LPAR1: variants seen among roughly 807,000 people sequenced by gnomAD.
LPAR1 encodes the protein lysophosphatidic acid receptor 1, also known as LPA receptor 1.
A neutral mutation model predicts 23.8 loss-of-function variants in LPAR1; 5 were observed. The ratio of observed to expected loss-of-function variants is 0.21; its 90% confidence interval spans 0.11 to 0.44. The LOEUF (loss-of-function observed/expected upper bound fraction) is 0.44, where lower values mean the gene tolerates loss of function less well. Ranked by LOEUF, LPAR1 falls within the 20% of genes least tolerant of loss-of-function variation. The pLI is 0.99. For synonymous variants in LPAR1, 160 were observed against 164.7 expected (o/e 0.97, Z 0.22); for missense variants, 311 against 482.8 (o/e 0.64, Z 3.33).
intron 5 of LPAR1, among the ~76,000 whole-genome samples, chr9:110,932,251 G>A (rs1343852469): frequency 1.3e-5 from 2 of 152,144 alleles, no homozygotes; most frequent in Non-Finnish European, 2.9e-5. Context: ...CCTATTCTAG[G>A]TGCTGGGAAG....
intron 2 of LPAR1, among the ~76,000 whole-genome samples, chr9:111,014,572 G>A (rs2140817516): frequency 6.6e-6 from 1 of 152,172 alleles, no homozygotes; most frequent in Non-Finnish European, 1.5e-5. Flanking sequence ...ATGACCAGGT[G>A]TCTGCCCTGG....
At chr9:110,971,005 G>C (rs367866171) in intron 4 of LPAR1, among the ~76,000 whole-genome samples, 23 of 152,138 alleles carry the variant, frequency 1.5e-4, no homozygotes, top group African/African-American at 5.5e-4. Context: ...CGTGGTGGCG[G>C]GCGCCTGTAA....
At chr9:111,012,788 A>C (rs2097358731) in intron 2 of LPAR1, among the ~76,000 whole-genome samples, 1 of 152,128 alleles carries the variant, frequency 6.6e-6, no homozygotes, top group Non-Finnish European at 1.5e-5. Flanking sequence ...AATTGAGAGA[A>C]ATATGCCAGA....
intron 2 of LPAR1, among the ~76,000 whole-genome samples, chr9:111,027,409 G>A (rs1425551609): frequency 1.3e-5 from 2 of 152,178 alleles, no homozygotes; most frequent in African/African-American, 4.8e-5. Context: ...GCTGAAGCAA[G>A]AGGATGGTTT....
rs190653669 is a variant in LPAR1 at position 110,984,989 on chromosome 9, G to C, written c.-181-11431C>G. Among the ~76,000 whole-genome samples, 8 of 152,054 alleles carry C rather than the reference G, an allele frequency of 5.3e-5. No individual in the cohort carries two copies. In the East Asian group the frequency reaches 1.5e-3, roughly 29 times the overall value. ...AAAGAATCAAAAAGAAAAAGGAAAGGGGAAAACAGGATGACAGAGACATGG... is the reference window on the plus strand; with the variant it reads ...AAAGAATCAAAAAGAAAAAGGAAAGCGGAAAACAGGATGACAGAGACATGG... On this transcript the variant is annotated intron_variant, in intron 2 of 5. Coordinates refer to ENST00000683809, the MANE Select transcript of LPAR1 (RefSeq NM_001351411.2).
Position 111,004,584 on chromosome 9 carries a change from G to A in LPAR1, c.-181-31026C>T, listed in dbSNP as rs370472944. On this transcript the variant is annotated intron_variant, in intron 2 of 5. Coordinates refer to ENST00000683809, the MANE Select transcript of LPAR1 (RefSeq NM_001351411.2). ...TGGCATTTTGCATCATTAATCACTC[G>A]TTTTAATTTTGCCCTACTCACAACA... Among the ~76,000 whole-genome samples, 34 of 152,182 alleles carry A rather than the reference G, an allele frequency of 2.2e-4. No individual in the cohort carries two copies. In the East Asian group the frequency reaches 3.1e-3, roughly 14 times the overall value.
chr9:110,972,237 A>G lies in LPAR1; in HGVS notation c.-103-17T>C. Reference sequence around the variant, plus strand: ...GCTGTGTACCTGGAAAACAACAGGAAAACCCACATTTAGCATAAAAGGACT... The same window carrying G: ...GCTGTGTACCTGGAAAACAACAGGAGAACCCACATTTAGCATAAAAGGACT... On this transcript the variant is annotated splice_polypyrimidine_tract_variant and intron_variant, in intron 3 of 5. Coordinates refer to ENST00000683809, the MANE Select transcript of LPAR1 (RefSeq NM_001351411.2). The G allele has an allele frequency of 1.2e-6, 1 of 860,454 alleles. No individual in the cohort carries two copies. Among genetic ancestry groups the G allele is most frequent in the Non-Finnish European group, 2.0e-6 (1 of 509,674 alleles). 53.3% of individuals were successfully genotyped at this position (860,454 alleles called of 1,614,324 possible).
chr9:111,025,835 T>C (rs536052021), intron 2 of LPAR1, among the ~76,000 whole-genome samples: 1 of 152,206 alleles, frequency 6.6e-6, no homozygotes, highest in Non-Finnish European at 1.5e-5. Context: ...TTTGTCAGGT[T>C]TGTCAAAAAT....
At chr9:110,909,435 G>A (rs1014441443) in intron 5 of LPAR1, among the ~76,000 whole-genome samples, 7 of 152,208 alleles carry the variant, frequency 4.6e-5, no homozygotes, top group Middle Eastern at 3.4e-3. Flanking sequence ...TGGGCAGCAG[G>A]ACCTAGACCA....
intron 4 of LPAR1, among the ~76,000 whole-genome samples, chr9:110,968,330 G>A (rs2096286796): frequency 6.6e-6 from 1 of 152,148 alleles, no homozygotes; most frequent in Non-Finnish European, 1.5e-5. Context: ...ATCTGCTTCT[G>A]TGAGTTGGTA....
intron 5 of LPAR1, among the ~76,000 whole-genome samples, chr9:110,898,230 C>T (rs561072839): frequency 6.6e-6 from 1 of 152,284 alleles, no homozygotes; most frequent in Admixed American, 6.5e-5. Context: ...TTTTCCAGTG[C>T]TAGTTTTGCT....
chr9:110,961,228 A>AGC, intron 4 of LPAR1, among the ~76,000 whole-genome samples: 1 of 151,492 alleles, frequency 6.6e-6, no homozygotes, highest in Non-Finnish European at 1.5e-5. Context: ...AAAAAAAAAA[A>AGC]AGCCAAATGT....
In LPAR1 at chr9:110,939,734, A is replaced by G. The variant is rs542728406; in HGVS notation, c.793+1687T>C. On this transcript the variant is annotated intron_variant, in intron 5 of 5. Coordinates refer to ENST00000683809, the MANE Select transcript of LPAR1 (RefSeq NM_001351411.2). ...AGATATTATACAAAGGTCAAAATTA[A>G]AACAAGAACTTGGCAGGTTAATAGT... 2.0e-5 allele frequency among the ~76,000 whole-genome samples: 3 copies of G among 152,354 alleles called. No homozygotes were observed. In the South Asian group the frequency reaches 6.2e-4, roughly 32 times the overall value.
intron 5 of LPAR1, among the ~76,000 whole-genome samples, chr9:110,939,679 C>A (rs969329999): frequency 6.8e-6 from 1 of 146,338 alleles, no homozygotes; most frequent in Non-Finnish European, 1.5e-5. Context: ...GTATGTGAAT[C>A]ATTCAGTACA....
At chr9:110,913,896 G>A (rs10124586) in intron 5 of LPAR1, among the ~76,000 whole-genome samples, 3,750 of 152,218 alleles carry the variant, frequency 0.025, 153 homozygotes, top group African/African-American at 0.085. Context: ...AGTTCAATGG[G>A]TGCCTGCTAT....
chr9:110,900,791 A>C (rs371669649), intron 5 of LPAR1, among the ~76,000 whole-genome samples: 1 of 152,198 alleles, frequency 6.6e-6, no homozygotes, highest in Non-Finnish European at 1.5e-5. Context: ...CTACCTTAAA[A>C]ATTTTCTTTT....
At chr9:110,887,687 T>C (rs1208630182) in intron 5 of LPAR1, among the ~76,000 whole-genome samples, 2 of 152,242 alleles carry the variant, frequency 1.3e-5, no homozygotes, top group Non-Finnish European at 2.9e-5. Flanking sequence ...TACTTTTTTC[T>C]ACATAAATTT....
chr9:110,915,731 A>C (rs1355283715), intron 5 of LPAR1, among the ~76,000 whole-genome samples: 2 of 152,204 alleles, frequency 1.3e-5, no homozygotes, highest in Admixed American at 6.5e-5. Flanking sequence ...AAATTTCTGG[A>C]ATTATGAAGA....
intron 5 of LPAR1, among the ~76,000 whole-genome samples, chr9:110,910,920 A>T (rs2092346331): frequency 6.6e-6 from 1 of 152,186 alleles, no homozygotes; most frequent in Non-Finnish European, 1.5e-5. Context: ...GAGCAAAGAA[A>T]GTGGTCTCTG....
Sources: allele counts gnomAD v4.1 joint callset (sites outside exome capture counted in the v4.1 genomes callset), GRCh38; gene constraint gnomAD v4.1.1; transcripts MANE v1.5; gene names NCBI Gene and HGNC (gene_info 2026-07-23, HGNC 2026-07-21).